C16orf95: variants seen among roughly 807,000 people sequenced by gnomAD.
C16orf95 encodes the protein uncharacterized protein C16orf95.
In C16orf95, 41 loss-of-function variants were observed where a neutral mutation model predicts 32.1. That is an observed-to-expected ratio of 1.28 (90% CI 1.00 to 1.66). The LOEUF is 1.66. C16orf95 is among the 40% of genes most tolerant of loss of function. The pLI is 0.00. For synonymous variants in C16orf95, 147 were observed against 128.9 expected (o/e 1.14, Z -0.95); for missense variants, 399 against 325.9 (o/e 1.22, Z -1.73).
intron 5 of C16orf95, among the ~76,000 whole-genome samples, chr16:87,307,856 A>G (rs574725847): frequency 6.6e-6 from 1 of 152,384 alleles, no homozygotes; most frequent in South Asian, 2.1e-4. Flanking sequence ...TGATGACACC[A>G]GCTACTTAGT....
In C16orf95 at chr16:87,305,538, C is replaced by T. The variant is rs1231010517; in HGVS notation, c.701+181G>A. Reference sequence around the variant, plus strand: ...GCTGCCCTGGCATCTCTAGGTGACGCGGGGCAGAGCCTGCGCTGTGCAGAG... The same window carrying T: ...GCTGCCCTGGCATCTCTAGGTGACGTGGGGCAGAGCCTGCGCTGTGCAGAG... On this transcript the variant is annotated intron_variant, in intron 6 of 6. Coordinates refer to ENST00000567970, the MANE Select transcript of C16orf95 (RefSeq NM_001195124.3). The surrounding 1 kb of genome is among the most constrained non-coding windows in gnomAD (Gnocchi z 4.2). Among the ~76,000 whole-genome samples the T allele has an allele frequency of 2.6e-5, 4 of 152,130 alleles. No individual in the cohort carries two copies. The highest frequency in any genetic ancestry group is 5.9e-5 in the Non-Finnish European group (4 of 67,998).
intron 5 of C16orf95, among the ~76,000 whole-genome samples, chr16:87,309,435 G>C (rs564727392): frequency 6.4e-4 from 82 of 128,296 alleles, no homozygotes; most frequent in Non-Finnish European, 1.1e-3. Flanking sequence ...CCAGGCTGGA[G>C]TGCAATGGTG....
At chr16:87,316,769 A>G (rs1052331717) in intron 1 of C16orf95, among the ~76,000 whole-genome samples, 3 of 152,196 alleles carry the variant, frequency 2.0e-5, no homozygotes, top group African/African-American at 7.2e-5. Flanking sequence ...TAATCTGATA[A>G]CATGTAAACC....
chr16:87,309,725 A>G (rs1040397993), intron 5 of C16orf95, among the ~76,000 whole-genome samples: 3 of 152,114 alleles, frequency 2.0e-5, no homozygotes, highest in Admixed American at 6.6e-5. Flanking sequence ...GGCCCCTCAC[A>G]TGAATACATA....
Position 87,305,832 on chromosome 16 carries a change from G to T in C16orf95, c.588C>A (p.Phe196Leu), listed in dbSNP as rs1478197835. The T allele has an allele frequency of 1.3e-6, 2 of 1,491,580 alleles. No individual in the cohort carries two copies. The highest frequency in any genetic ancestry group is 1.8e-6 in the Non-Finnish European group (2 of 1,127,238). The allele number at this position is 1,491,580 out of a possible 1,614,324, so 92.4% of individuals were successfully genotyped here. Residue 196 changes from phenylalanine to leucine, a missense_variant, in exon 6 of 7, where the codon TTC (phenylalanine) becomes TTA (leucine). Coordinates refer to ENST00000567970, the MANE Select transcript of C16orf95 (RefSeq NM_001195124.3). This position sits in a 1 kb window ranked among gnomAD's most constrained non-coding sequence, Gnocchi z 4.2. ...ICGDECLLSK[F>L]QQLQAPYQDQ... ...CCTGGTAGGGGGCCTGGAGCTGCTG[G>T]AACTTGGACAACAGGCACTCATCAC...
intron 1 of C16orf95, 75 bp downstream of exon 1, chr16:87,317,016 C>T: frequency 1.4e-6 from 2 of 1,452,400 alleles, no homozygotes; most frequent in Non-Finnish European, 1.8e-6. Flanking sequence ...GTGCATAGGT[C>T]ATGGAGCAAT....
chr16:87,304,351 G>A (rs1247115793), intron 6 of C16orf95, among the ~76,000 whole-genome samples: 4 of 150,258 alleles, frequency 2.7e-5, no homozygotes, highest in South Asian at 4.4e-4. Flanking sequence ...ACTGTGCCCG[G>A]CCTCGCCCAT....
chr16:87,310,213 G>A (rs1355984213), intron 5 of C16orf95, 84 bp downstream of exon 5: 8 of 1,350,724 alleles, frequency 5.9e-6, no homozygotes, highest in East Asian at 2.5e-5. Flanking sequence ...GGTGATGAGA[G>A]GTCTGCCCCC....
At chr16:87,310,403 A>T in intron 4 of C16orf95, 70 bp from the exon 5 acceptor site, 1 of 1,462,936 alleles carries the variant, frequency 6.8e-7, no homozygotes, top group Non-Finnish European at 9.3e-7. Flanking sequence ...GGTGATTGGG[A>T]CTCCAAACCT....
intron 6 of C16orf95, chr16:87,303,288 G>C: frequency 1.8e-6 from 1 of 561,142 alleles, no homozygotes; most frequent in Non-Finnish European, 3.2e-6. Context: ...ACTGGGGTGA[G>C]GCATTCCACC....
At chr16:87,316,651 G>A (rs371549599) in intron 1 of C16orf95, among the ~76,000 whole-genome samples, 5 of 151,126 alleles carry the variant, frequency 3.3e-5, no homozygotes, top group Admixed American at 1.3e-4. Flanking sequence ...TGGTGGGGAG[G>A]GGGGGGGCCA....
At position 87,315,011 on chromosome 16, in the gene C16orf95, A is replaced by G. The variant is rs1281076196; in HGVS notation, c.290T>C (p.Leu97Pro). ...RLPVSRVEAA[L>P]PYWVPLSLRP... is the part of the protein sequence containing the mutation. ...CAGGGACAGAGGGACCCAGTAAGGCAGTGCTGCTTCCACCCTGGACACAGG... is the reference window on the plus strand; with the variant it reads ...CAGGGACAGAGGGACCCAGTAAGGCGGTGCTGCTTCCACCCTGGACACAGG... Residue 97 changes from leucine (L) to proline (P), a missense_variant, in exon 3 of 7, where the codon CTG (leucine) becomes CCG (proline). Leu to Pro is a moderately conservative substitution (Grantham distance 98, BLOSUM62 -3). Coordinates refer to ENST00000567970, the MANE Select transcript of C16orf95 (RefSeq NM_001195124.3). 2.5e-5 allele frequency: 38 copies of G among 1,536,130 alleles called. No individual in the cohort carries two copies. The highest frequency in any genetic ancestry group is 3.2e-5 in the Non-Finnish European group (37 of 1,146,888).
chr16:87,316,816 G>A (rs1429128712), intron 1 of C16orf95, among the ~76,000 whole-genome samples: 1 of 152,182 alleles, frequency 6.6e-6, no homozygotes, highest in African/African-American at 2.4e-5. Context: ...CTCCACAAGG[G>A]AAGCCAGCAA....
In C16orf95 at chr16:87,317,114, G is replaced by C; in HGVS notation, c.129C>G (p.Leu43=). ...GCCTGCCATCCTGCGCGCTGGGTGT[G>C]AGTGCCAACCTGCAGAGCCCGACGC... ...AGCVGLCRLA[L]TPSAQDGRNS... is the part of the protein sequence containing the mutation. Residue 43 remains leucine, a synonymous_variant, in exon 1 of 7, where the codon CTC becomes CTG. Coordinates refer to ENST00000567970, the MANE Select transcript of C16orf95 (RefSeq NM_001195124.3). 6.5e-7 allele frequency: 1 copy of C among 1,530,098 alleles called. No individual in the cohort carries two copies. The allele number at this position is 1,530,098 out of a possible 1,614,324, so 94.8% of individuals were successfully genotyped here.
chr16:87,306,060 C>G (rs548675512), intron 5 of C16orf95, 155 bp from the exon 6 acceptor site: 4 of 494,576 alleles, frequency 8.1e-6, no homozygotes, highest in Non-Finnish European at 1.4e-5. Flanking sequence ...CCGGAGCTCA[C>G]GAGATAAAGG....
chr16:87,314,236 G>A (rs35102374), intron 3 of C16orf95, among the ~76,000 whole-genome samples: 41,336 of 152,084 alleles, frequency 0.27, 7,219 homozygotes, highest in Non-Finnish European at 0.41. Flanking sequence ...GCAGCTTTGT[G>A]TGTAACACAT....
chr16:87,314,905 G>C, intron 3 of C16orf95, 66 bp downstream of exon 3: 1 of 1,365,342 alleles, frequency 7.3e-7, no homozygotes, highest in African/African-American at 1.5e-5. Flanking sequence ...TAATTCTGAG[G>C]GGTGACTGGT....
At chr16:87,306,170 C>G in intron 5 of C16orf95, 1 of 321,438 alleles carries the variant, frequency 3.1e-6, no homozygotes, top group East Asian at 4.9e-5. Flanking sequence ...TGTGCAATGT[C>G]TAGCTGGGAC....
At position 87,317,277 on chromosome 16, in the gene C16orf95, C is replaced by G. The variant is rs1234242668; in HGVS notation, c.-35G>C. 1 of 1,481,902 alleles carries G rather than the reference C, an allele frequency of 6.7e-7. No individual in the cohort carries two copies. The highest frequency in any genetic ancestry group is 1.3e-5 in the South Asian group (1 of 77,752). The allele number at this position is 1,481,902 out of a possible 1,614,324, so 91.8% of individuals were successfully genotyped here. ...TATGGCTGACGCGCCCTTTCACACA[C>G]ACATCGTCCGCAGGCCCTGACGCCC... On this transcript the variant is annotated 5_prime_UTR_variant, in exon 1 of 7. Transcript: ENST00000567970.
Sources: gnomAD v4.1 joint callset for allele counts (sites outside exome capture counted in the v4.1 genomes callset) on GRCh38, gnomAD v4.1.1 for gene constraint, Gnocchi (gnomAD v3.1) non-coding constraint, MANE v1.5 for transcripts, NCBI Gene and HGNC (gene_info 2026-07-23, HGNC 2026-07-21) for gene names.